Variants in GRIK5 observed in about 807,000 individuals in gnomAD.
GRIK5 encodes the protein glutamate ionotropic receptor kainate type subunit 5.
GRIK5 carries 43 observed loss-of-function variants against 97.4 expected under a neutral mutation model. The ratio of observed to expected loss-of-function variants is 0.44; its 90% CI spans 0.35 to 0.57. The LOEUF is 0.57. Among genes scored for constraint, GRIK5 ranks in the 20% least tolerant of loss-of-function variants. The probability of loss-of-function intolerance (pLI) is 0.01; values close to 1 mark genes in which losing one functional copy is unlikely to be tolerated. For missense variants in GRIK5, 1,015 were observed against 1,382.0 expected, an observed-to-expected ratio of 0.73 and a Z score of 4.21; for synonymous variants, 580 against 583.5, an observed-to-expected ratio of 0.99 and a Z score of 0.09.
rs1282425936 is a variant in GRIK5, at chr19:41,998,921, G to A, written c.2893C>T (p.Arg965Trp). The A allele has an allele frequency of 7.1e-6, 8 of 1,124,958 alleles. No individual in the cohort carries two copies. The highest frequency in any genetic ancestry group is 7.6e-6 in the Non-Finnish European group (7 of 920,140). The allele number at this position is 1,124,958 out of a possible 1,614,324, so 69.7% of individuals were successfully genotyped here. ...GGGCCGGCGGGGCCAGGCCGCGGCC[G>A]GGGCGGGCTGGTGGCTTCGGCGGGG... Reference protein sequence around the residue: ...GVPAEATSPPRPRPGPAGPRE... With the variant: ...GVPAEATSPPWPRPGPAGPRE... Residue 965 changes from arginine to tryptophan, a missense_variant, in exon 20 of 20, where the codon CGG becomes TGG. Coordinates refer to ENST00000593562, the MANE Select transcript of GRIK5 (RefSeq NM_002088.5).
At chr19:42,051,243 T>G (rs1025995367) in intron 11 of GRIK5, among the ~76,000 whole-genome samples, 1 of 152,056 alleles carries the variant, frequency 6.6e-6, no homozygotes, top group African/African-American at 2.4e-5. Flanking sequence ...TCCGTGGGAC[T>G]TCTGCACCCC....
At chr19:42,004,744 G>A (rs1293611996) in intron 17 of GRIK5, among the ~76,000 whole-genome samples, 3 of 152,168 alleles carry the variant, frequency 2.0e-5, no homozygotes, top group African/African-American at 7.2e-5. Flanking sequence ...ACTTCAGCCT[G>A]TAGCTGAGAC....
chr19:42,068,913 G>A, intron 1 of GRIK5: 1 of 678,314 alleles, frequency 1.5e-6, no homozygotes, highest in Middle Eastern at 2.4e-4. Flanking sequence ...TCTGGGACCA[G>A]GACGGAGGCT....
intron 11 of GRIK5, among the ~76,000 whole-genome samples, chr19:42,052,022 A>T (rs1052284282): frequency 1.3e-5 from 2 of 152,068 alleles, no homozygotes; most frequent in African/African-American, 4.8e-5. Flanking sequence ...TCAGACTGGG[A>T]CCGCCTCCCA....
chr19:42,068,603 G>A lies in GRIK5; in HGVS notation c.-51+638C>T, dbSNP rs770873072. On this transcript the variant is annotated intron_variant, in intron 1 of 19. Coordinates refer to ENST00000593562, the MANE Select transcript of GRIK5 (RefSeq NM_002088.5). ...GAGAGAGGGAGGAGGACAGGTGAGCGGAGGCACAGAATAGAAAGAGAAATG... is the reference window on the plus strand; with the variant it reads ...GAGAGAGGGAGGAGGACAGGTGAGCAGAGGCACAGAATAGAAAGAGAAATG... The A allele has an allele frequency of 9.6e-6, 4 of 418,152 alleles. No individual in the cohort carries two copies. In the South Asian group the frequency reaches 2.4e-4, roughly 25 times the overall value. 25.9% of individuals were successfully genotyped at this position (418,152 alleles called of 1,614,324 possible).
chr19:42,068,970 G>A (rs770533816), intron 1 of GRIK5: 2 of 592,204 alleles, frequency 3.4e-6, no homozygotes, highest in Non-Finnish European at 6.1e-6. Flanking sequence ...GGGTAAGTGA[G>A]AGCCCAAGTA....
Position 42,002,691 on chromosome 19 carries a change from C to T in GRIK5, c.2514+641G>A. 4 of 606,758 alleles carry T rather than the reference C, an allele frequency of 6.6e-6. No homozygotes were observed. Among genetic ancestry groups the T allele is most frequent in the Non-Finnish European group, 5.9e-6 (2 of 341,378 alleles). The allele number at this position is 606,758 out of a possible 1,614,324, so 37.6% of individuals were successfully genotyped here. Reference sequence around the variant, plus strand: ...CTGGAAATGCAGGGGTGTGGCTGGGCGGCCCCCAGGGACATGGAAGCAGCC... The same window carrying T: ...CTGGAAATGCAGGGGTGTGGCTGGGTGGCCCCCAGGGACATGGAAGCAGCC... On this transcript the variant is annotated intron_variant, in intron 19 of 19. Transcript: ENST00000593562. The surrounding 1 kb of genome is among the most constrained non-coding windows in gnomAD (Gnocchi z 5.2).
chr19:42,066,185 C>T (rs539580907), intron 1 of GRIK5, among the ~76,000 whole-genome samples: 4 of 152,224 alleles, frequency 2.6e-5, no homozygotes, highest in East Asian at 3.9e-4. Context: ...TGCCACCCCC[C>T]ACCCAGTCCC....
chr19:42,018,202 T>C (rs1404923553), intron 15 of GRIK5, among the ~76,000 whole-genome samples: 1 of 143,734 alleles, frequency 7.0e-6, no homozygotes, highest in Non-Finnish European at 1.5e-5. Flanking sequence ...TGGGCGCCTG[T>C]AGTCCCAGCT....
intron 12 of GRIK5, among the ~76,000 whole-genome samples, chr19:42,039,463 C>A (rs988156057): frequency 6.6e-6 from 1 of 152,058 alleles, no homozygotes; most frequent in Non-Finnish European, 1.5e-5. Flanking sequence ...GGCAGCAGAG[C>A]CAGAGTCCGT....
Position 42,006,085 on chromosome 19 carries a change from TAGAGG to T in GRIK5, c.2038-142_2038-138del. ...GATCAAAGGAAGACAGAGCCAAAGG[TAGAGG>T]AGAGAGAGGAGATGGACAAACTGTC... On this transcript the variant is annotated intron_variant, in intron 16 of 19. Coordinates refer to ENST00000593562, the MANE Select transcript of GRIK5 (RefSeq NM_002088.5). The surrounding 1 kb of genome is among the most constrained non-coding windows in gnomAD (Gnocchi z 5.3). 2 of 642,792 alleles carry T rather than the reference TAGAGG, an allele frequency of 3.1e-6. No individual in the cohort carries two copies. The highest frequency in any genetic ancestry group is 4.5e-5 in the Admixed American group (2 of 44,772). The allele number at this position is 642,792 out of a possible 1,614,324, so 39.8% of individuals were successfully genotyped here.
chr19:42,035,693 G>C (rs551412973), intron 12 of GRIK5, among the ~76,000 whole-genome samples: 3 of 152,286 alleles, frequency 2.0e-5, no homozygotes, highest in South Asian at 4.1e-4. Flanking sequence ...CTGGGGAACA[G>C]AGCCAGACTC....
intron 12 of GRIK5, among the ~76,000 whole-genome samples, chr19:42,039,516 T>C (rs2075951925): frequency 6.6e-6 from 1 of 152,076 alleles, no homozygotes; most frequent in Admixed American, 6.6e-5. Context: ...GGGCATCCCA[T>C]GGGCTTTCTG....
chr19:42,009,896 A>C (rs920166651), intron 15 of GRIK5, among the ~76,000 whole-genome samples: 2 of 150,676 alleles, frequency 1.3e-5, no homozygotes, highest in South Asian at 2.1e-4. Flanking sequence ...GAGAAACCCC[A>C]TCTCTACTAA....
Position 42,002,104 on chromosome 19 carries a change from G to T in GRIK5, c.2514+1228C>A. On this transcript the variant is annotated intron_variant, in intron 19 of 19. Coordinates refer to ENST00000593562, the MANE Select transcript of GRIK5 (RefSeq NM_002088.5). This position sits in a 1 kb window ranked among gnomAD's most constrained non-coding sequence, Gnocchi z 5.2. The stretch of plus-strand genomic sequence containing the variant: ...GCTACCTCATATACATGAGGCCTGA[G>T]ACCGGGAATTTCAGACATGGAAGTT... 1 of 715,516 alleles carries T rather than the reference G, an allele frequency of 1.4e-6. No homozygotes were observed. The allele number at this position is 715,516 out of a possible 1,614,324, so 44.3% of individuals were successfully genotyped here.
chr19:42,046,941 G>A (rs1319478700), intron 11 of GRIK5, among the ~76,000 whole-genome samples: 1 of 152,062 alleles, frequency 6.6e-6, no homozygotes, highest in Non-Finnish European at 1.5e-5. Flanking sequence ...AGGCTGGAGT[G>A]TAGTGGTGCA....
In GRIK5 at chr19:42,006,835, C is replaced by T. The variant is rs377377509; in HGVS notation, c.1872-25G>A. 2.3e-5 allele frequency: 36 copies of T among 1,557,488 alleles called. No homozygotes were observed. Among genetic ancestry groups the T allele is most frequent in the Admixed American group, 5.4e-5 (3 of 55,932 alleles). Reference sequence around the variant, plus strand: ...CCTGAAGGGTGGGAGGGGTGAGTCACGGGCTGGAGTCACCCCTGCTGACCT... The same window carrying T: ...CCTGAAGGGTGGGAGGGGTGAGTCATGGGCTGGAGTCACCCCTGCTGACCT... On this transcript the variant is annotated intron_variant, in intron 15 of 19. Coordinates refer to ENST00000593562, the MANE Select transcript of GRIK5 (RefSeq NM_002088.5). The surrounding 1 kb of genome is among the most constrained non-coding windows in gnomAD (Gnocchi z 5.3).
chr19:42,025,719 A>G (rs1189473009), intron 12 of GRIK5, among the ~76,000 whole-genome samples: 2 of 152,002 alleles, frequency 1.3e-5, no homozygotes, highest in African/African-American at 4.8e-5. Flanking sequence ...CCAGGCCACC[A>G]TCTCTGACTG....
chr19:42,009,424 G>A (rs1555873516), intron 15 of GRIK5, among the ~76,000 whole-genome samples: 2 of 148,908 alleles, frequency 1.3e-5, no homozygotes, highest in African/African-American at 5.0e-5. Context: ...TGTATTTTTT[G>A]TAGAGATGGG....
Sources: allele counts gnomAD v4.1 joint callset (sites outside exome capture counted in the v4.1 genomes callset), GRCh38; gene constraint gnomAD v4.1.1; non-coding constraint Gnocchi (gnomAD v3.1); transcripts MANE v1.5; gene names NCBI Gene and HGNC (gene_info 2026-07-23, HGNC 2026-07-21).